TMTC1: variants seen among roughly 807,000 people sequenced by gnomAD.
TMTC1 encodes the protein protein O-mannosyl-transferase TMTC1.
In TMTC1, 73 loss-of-function variants were observed where a neutral mutation model predicts 104.8. The observed-to-expected ratio is 0.70, with a 90% CI of 0.58 to 0.85. TMTC1 has a LOEUF of 0.85. Ranked by LOEUF, TMTC1 falls within the 40% of genes least tolerant of loss-of-function variation. The pLI, the probability that TMTC1 is intolerant of heterozygous loss-of-function variation, is 0.00. For synonymous variants in TMTC1, 434 were observed against 428.7 expected (o/e 1.01, Z -0.15); for missense variants, 1,035 against 1,096.1 (o/e 0.94, Z 0.79).
chr12:29,702,712 T>C (rs1941630748), intron 5 of TMTC1, among the ~76,000 whole-genome samples: 1 of 152,210 alleles, frequency 6.6e-6, no homozygotes, highest in Non-Finnish European at 1.5e-5. Context: ...GCCTTGAGTA[T>C]GCCGGCCACT....
At position 29,504,939 on chromosome 12, in the gene TMTC1, A is replaced by G. The variant is rs1174462480; in HGVS notation, c.*1907T>C. On this transcript the variant is annotated 3_prime_UTR_variant, in exon 18 of 18. Transcript: ENST00000539277. ...ACACTGGAGTATGTTTCTTGACACT[A>G]GGACTATGATTTTGGGGGAAGAATA... 1 of 152,154 alleles carries G rather than the reference A, an allele frequency of 6.6e-6. No individual in the cohort carries two copies. The highest frequency in any genetic ancestry group is 2.4e-5 in the African/African-American group (1 of 41,434). The allele number at this position is 152,154 out of a possible 1,614,324, so 9.4% of individuals were successfully genotyped here. A position where few individuals can be genotyped will look rare whatever the true frequency, so the allele number is the denominator to read the frequency against.
chr12:29,695,796 TATATATA>T (rs1941403162), intron 5 of TMTC1, among the ~76,000 whole-genome samples: 1 of 45,918 alleles, frequency 2.2e-5, no homozygotes, highest in Non-Finnish European at 3.4e-5. Context: ...TTCCTTTTTA[TATATATA>T]TATATATATA....
intron 8 of TMTC1, among the ~76,000 whole-genome samples, chr12:29,575,399 T>C (rs1945793601): frequency 6.6e-6 from 1 of 151,912 alleles, no homozygotes. Context: ...AAGGTCAGAT[T>C]AAGAGGAGAA....
intron 5 of TMTC1, among the ~76,000 whole-genome samples, chr12:29,711,449 C>A (rs1315497685): frequency 6.6e-6 from 1 of 152,150 alleles, no homozygotes; most frequent in Non-Finnish European, 1.5e-5. Flanking sequence ...TTGATTTATA[C>A]TGTGTACATT....
chr12:29,595,129 T>G (rs1032595519), intron 7 of TMTC1, among the ~76,000 whole-genome samples: 4 of 152,348 alleles, frequency 2.6e-5, no homozygotes, highest in Non-Finnish European at 5.9e-5. Flanking sequence ...AAATTTTACT[T>G]TCAAATCCTG....
intron 5 of TMTC1, among the ~76,000 whole-genome samples, chr12:29,714,377 G>C (rs546903595): frequency 6.6e-6 from 1 of 152,278 alleles, no homozygotes; most frequent in East Asian, 1.9e-4. Context: ...CATATACACA[G>C]GTGTTGGGAT....
chr12:29,526,764 T>C (rs1944358293), intron 11 of TMTC1, among the ~76,000 whole-genome samples: 1 of 152,092 alleles, frequency 6.6e-6, no homozygotes, highest in Non-Finnish European at 1.5e-5. Context: ...TTAACTATGG[T>C]CATGGTTAAA....
intron 5 of TMTC1, among the ~76,000 whole-genome samples, chr12:29,731,724 T>C (rs1434774129): frequency 2.0e-5 from 3 of 152,224 alleles, no homozygotes; most frequent in Non-Finnish European, 2.9e-5. Context: ...GCGATACAGC[T>C]ATCCAAATGT....
At chr12:29,777,294 C>T (rs1361466459) in intron 1 of TMTC1, among the ~76,000 whole-genome samples, 1 of 151,994 alleles carries the variant, frequency 6.6e-6, no homozygotes, top group Non-Finnish European at 1.5e-5. Flanking sequence ...GGGGTTTCAC[C>T]ATGTTGGCCA....
intron 15 of TMTC1, among the ~76,000 whole-genome samples, chr12:29,515,520 C>T (rs1241284811): frequency 6.6e-6 from 1 of 152,164 alleles, no homozygotes; most frequent in African/African-American, 2.4e-5. Flanking sequence ...CCAGAATCCT[C>T]CTTGCTTCTT....
chr12:29,576,269 T>C (rs1207884524), intron 8 of TMTC1, among the ~76,000 whole-genome samples: 14 of 152,208 alleles, frequency 9.2e-5, no homozygotes, highest in Non-Finnish European at 1.5e-5. Flanking sequence ...GTCCCATTTG[T>C]GTATTTGTGA....
At chr12:29,651,033 C>G (rs898984726) in intron 5 of TMTC1, among the ~76,000 whole-genome samples, 1 of 152,208 alleles carries the variant, frequency 6.6e-6, no homozygotes, top group African/African-American at 2.4e-5. Context: ...TCTTCTGAGG[C>G]ACACGGGGGG....
intron 5 of TMTC1, among the ~76,000 whole-genome samples, chr12:29,704,379 G>C (rs746099709): frequency 9.9e-5 from 15 of 152,212 alleles, no homozygotes; most frequent in Non-Finnish European, 1.9e-4. Flanking sequence ...TGAATGAACA[G>C]ATGAATGATA....
intron 5 of TMTC1, among the ~76,000 whole-genome samples, chr12:29,671,950 G>A (rs1940533372): frequency 6.6e-6 from 1 of 152,196 alleles, no homozygotes; most frequent in Non-Finnish European, 1.5e-5. Flanking sequence ...AGCACAGCCT[G>A]CTCCGAAGCA....
At chr12:29,523,891 G>A (rs572747603) in intron 11 of TMTC1, among the ~76,000 whole-genome samples, 4 of 152,020 alleles carry the variant, frequency 2.6e-5, no homozygotes, top group Admixed American at 2.6e-4. Context: ...GGTCTGGTCT[G>A]CTGGGGCCTA....
chr12:29,659,931 A>T (rs545269057), intron 5 of TMTC1: 230 of 1,536,000 alleles, frequency 1.5e-4, no homozygotes, highest in Non-Finnish European at 1.9e-4. Flanking sequence ...CTCTGAAAAG[A>T]GGGGCATAGA....
intron 11 of TMTC1, among the ~76,000 whole-genome samples, chr12:29,523,714 A>AT (rs564309096): frequency 3.3e-5 from 5 of 152,122 alleles, no homozygotes; most frequent in East Asian, 1.9e-4. Flanking sequence ...TTTTTAGGTT[A>AT]TTTTTTTGAA....
At chr12:29,690,918 C>G (rs1419365842) in intron 5 of TMTC1, among the ~76,000 whole-genome samples, 1 of 152,132 alleles carries the variant, frequency 6.6e-6, no homozygotes, top group Non-Finnish European at 1.5e-5. Context: ...CAGACATAAC[C>G]AACTCCATCT....
chr12:29,518,998 A>C (rs752659008), intron 12 of TMTC1, among the ~76,000 whole-genome samples: 11 of 152,248 alleles, frequency 7.2e-5, no homozygotes, highest in Admixed American at 2.6e-4. Flanking sequence ...TACTGTAGAA[A>C]TAAAACTGTC....
Sources: gnomAD v4.1 joint callset for allele counts (sites outside exome capture counted in the v4.1 genomes callset) on GRCh38, gnomAD v4.1.1 for gene constraint, MANE v1.5 for transcripts, NCBI Gene and HGNC (gene_info 2026-07-23, HGNC 2026-07-21) for gene names.